Variants in LINGO1 observed in about 807,000 individuals in gnomAD.
LINGO1 encodes the protein leucine rich repeat and Ig domain containing 1, also known as leucine-rich repeat and immunoglobulin-like domain-containing nogo receptor-interacting protein 1.
A neutral mutation model predicts 37.3 loss-of-function variants in LINGO1; 11 were observed. The ratio of observed to expected loss-of-function variants is 0.29; its 90% confidence interval spans 0.19 to 0.49. The LOEUF (loss-of-function observed/expected upper bound fraction) is 0.49. Ranked by LOEUF, LINGO1 falls within the 20% of genes least tolerant of loss-of-function variation. LINGO1 has a pLI of 0.99. For synonymous variants in LINGO1, 387 were observed against 403.0 expected (o/e 0.96, Z 0.48); for missense variants, 585 against 878.2 (o/e 0.67, Z 4.22).
At chr15:77,618,288 C>T (rs908265601) in intron 1 of LINGO1, among the ~76,000 whole-genome samples, 1 of 152,154 alleles carries the variant, frequency 6.6e-6, no homozygotes, top group Admixed American at 6.5e-5. Context: ...AGGAAGCTTG[C>T]ACCACCGGGC....
At chr15:77,761,358 G>A (rs1254631875) in intron 1 of LINGO1, among the ~76,000 whole-genome samples, 2 of 152,206 alleles carry the variant, frequency 1.3e-5, no homozygotes, top group Non-Finnish European at 2.9e-5. Flanking sequence ...CAAGGCCACA[G>A]CAGCCCAGTC....
intron 3 of LINGO1, among the ~76,000 whole-genome samples, chr15:77,654,520 G>A (rs1017771078): frequency 3.3e-5 from 5 of 152,088 alleles, no homozygotes; most frequent in African/African-American, 1.2e-4. Context: ...TGGGGCTGGG[G>A]TCTCAGCACC....
intron 2 of LINGO1, among the ~76,000 whole-genome samples, chr15:77,713,759 C>G (rs1421070390): frequency 6.6e-6 from 1 of 152,154 alleles, no homozygotes; most frequent in African/African-American, 2.4e-5. Context: ...TACGCGTCAT[C>G]ATGCCCGCAG....
chr15:77,694,366 G>A (rs1306080318), intron 1 of LINGO1, among the ~76,000 whole-genome samples: 1 of 152,158 alleles, frequency 6.6e-6, no homozygotes, highest in Admixed American at 6.5e-5. Context: ...GAGGGAGTGG[G>A]ATCAGCCCAG....
intron 3 of LINGO1, among the ~76,000 whole-genome samples, chr15:77,673,049 G>A (rs900972918): frequency 3.3e-5 from 5 of 152,168 alleles, no homozygotes; most frequent in Non-Finnish European, 5.9e-5. Context: ...AAACAGTGCC[G>A]AAACAACTGC....
At chr15:77,664,170 T>TGTGTGTGTGTGTGCGCGCGCGCGCGC in intron 3 of LINGO1, among the ~76,000 whole-genome samples, 7 of 130,946 alleles carry the variant, frequency 5.3e-5, no homozygotes, top group African/African-American at 2.6e-4. Flanking sequence ...TGTGTGTGTG[T>TGTGTGTGTGTGTGCGCGCGCGCGCGC]GCGCGCGCGC....
At chr15:77,793,075 C>A (rs1002814381) in intron 2 of LINGO1, among the ~76,000 whole-genome samples, 4 of 152,134 alleles carry the variant, frequency 2.6e-5, no homozygotes, top group Admixed American at 1.3e-4. Context: ...TCATAAGCCA[C>A]CCCCCAGTGA....
intron 2 of LINGO1, among the ~76,000 whole-genome samples, chr15:77,728,070 G>A (rs2076120341): frequency 6.6e-6 from 1 of 152,332 alleles, no homozygotes; most frequent in Middle Eastern, 3.4e-3. Context: ...GGCCTCTTCA[G>A]AGAGCCCCAG....
chr15:77,715,648 T>G (rs2075974772), intron 2 of LINGO1, among the ~76,000 whole-genome samples: 1 of 152,264 alleles, frequency 6.6e-6, no homozygotes, highest in Non-Finnish European at 1.5e-5. Context: ...GATGTCTGCA[T>G]GCAGTAGGTG....
At chr15:77,788,571 G>A (rs1323125491), upstream of LINGO1, 1 of 152,186 alleles carries the variant, frequency 6.6e-6, no homozygotes, top group African/African-American at 2.4e-5. Context: ...ACTCCTTGAG[G>A]GCCAGGACCA....
At chr15:77,683,801 T>C (rs577018873) in intron 2 of LINGO1, among the ~76,000 whole-genome samples, 87 of 151,184 alleles carry the variant, frequency 5.8e-4, no homozygotes, top group African/African-American at 2.0e-3. Flanking sequence ...TGTTTCCGTT[T>C]TTTAATTTTG....
chr15:77,721,920 G>A (rs11637588), intron 2 of LINGO1, among the ~76,000 whole-genome samples: 76,879 of 150,674 alleles, frequency 0.51, 19,643 homozygotes, highest in Admixed American at 0.61. Flanking sequence ...CCCCCAAAGC[G>A]TGACCTCCCT....
At chr15:77,664,175 G>A (rs945599370) in intron 3 of LINGO1, among the ~76,000 whole-genome samples, 1 of 134,770 alleles carries the variant, frequency 7.4e-6, no homozygotes, top group African/African-American at 4.0e-5. Flanking sequence ...GTGTGTGCGC[G>A]CGCGCATGCG....
At chr15:77,734,080 G>A (rs2076179249) in intron 2 of LINGO1, among the ~76,000 whole-genome samples, 1 of 152,146 alleles carries the variant, frequency 6.6e-6, no homozygotes, top group African/African-American at 2.4e-5. Context: ...GTTAACCCCT[G>A]CCCTGGGCCG....
intron 1 of LINGO1, among the ~76,000 whole-genome samples, chr15:77,692,682 G>C (rs2075624716): frequency 6.6e-6 from 1 of 152,176 alleles, no homozygotes; most frequent in Non-Finnish European, 1.5e-5. Context: ...TCCTGCCTGG[G>C]TGAGATCCTC....
At chr15:77,813,507 G>T (rs545169165) in intron 1 of LINGO1, among the ~76,000 whole-genome samples, 1 of 152,276 alleles carries the variant, frequency 6.6e-6, no homozygotes, top group East Asian at 1.9e-4. Context: ...CAGCCAGCCT[G>T]GGCTTGGGAA....
chr15:77,664,170 T>TGTGTGTGC lies in LINGO1; in HGVS notation c.-13+12918_-13+12919insGCACACAC. 6.8e-3 allele frequency among the ~76,000 whole-genome samples: 892 copies of TGTGTGTGC among 130,940 alleles called. 4 individuals are homozygous for TGTGTGTGC. The highest frequency in any genetic ancestry group is 8.3e-3 in the Admixed American group (117 of 14,068). 85.9% of individuals were successfully genotyped at this position (130,940 alleles called of 152,430 possible). ...GTGTGTGTGTGTGTGTGTGTGTGTGTGCGCGCGCGCATGCGTTTGCATTCT... is the reference window on the plus strand; with the variant it reads ...GTGTGTGTGTGTGTGTGTGTGTGTGTGTGTGTGCGCGCGCGCGCATGCGTTTGCATTCT... On this transcript the variant is annotated intron_variant, in intron 3 of 3. Coordinates refer to the LINGO1 transcript ENST00000559893.
rs150575941 is a variant in LINGO1 at position 77,682,847 on chromosome 15, C to T, written c.-98-5673G>A. Among the ~76,000 whole-genome samples the T allele has an allele frequency of 4.6e-3, 706 of 152,094 alleles. 8 individuals carry two copies. The highest frequency in any genetic ancestry group is 7.0e-3 in the Non-Finnish European group (476 of 68,000). On this transcript the variant is annotated intron_variant, in intron 2 of 3. Transcript: ENST00000559893. ...CCAGGAAGCCTCGCCAGGCCAGACG[C>T]GAAACTCCGAAGCCCTGAGGAGCAG...
chr15:77,745,677 CAT>C (rs1196230362), intron 1 of LINGO1, among the ~76,000 whole-genome samples: 1 of 152,202 alleles, frequency 6.6e-6, no homozygotes, highest in Non-Finnish European at 1.5e-5. Context: ...CCAATCACCT[CAT>C]ACACAATTGC....
Sources: allele counts gnomAD v4.1 joint callset (sites outside exome capture counted in the v4.1 genomes callset), GRCh38; gene constraint gnomAD v4.1.1; transcripts MANE v1.5; gene names NCBI Gene and HGNC (gene_info 2026-07-23, HGNC 2026-07-21).